The following RTL4 variants were observed in gnomAD, a reference collection of about 807,000 sequenced individuals.
RTL4 encodes retrotransposon Gag like 4.
RTL4 carries 4 observed loss-of-function variants against 5.3 expected under a neutral mutation model. The observed-to-expected ratio is 0.75, with a 90% CI of 0.37 to 1.72. The LOEUF is 1.72. Among genes scored for constraint, RTL4 ranks in the 40% most tolerant of loss-of-function variants. RTL4 has a pLI of 0.04. For synonymous variants in RTL4, 98 were observed against 87.3 expected (o/e 1.12, Z -0.68); for missense variants, 260 against 227.1 (o/e 1.14, Z -0.93).
At chrX:112,088,588 C>T in the RTL4 span, among the ~76,000 whole-genome samples, 20 of 112,026 alleles carry the variant, frequency 1.8e-4, no homozygotes, top group African/African-American at 6.5e-4. Context: ...AGAGGAATTG[C>T]TGGATTATGT....
At chrX:112,329,524 A>G in the RTL4 span, among the ~76,000 whole-genome samples, 1 of 111,069 alleles carries the variant, frequency 9.0e-6, no homozygotes, top group Non-Finnish European at 1.9e-5. Flanking sequence ...TCAATAGCTT[A>G]CCAACCAAAA....
chrX:112,224,037 T>C, the RTL4 span, among the ~76,000 whole-genome samples: 4 of 111,532 alleles, frequency 3.6e-5, no homozygotes, highest in Non-Finnish European at 7.5e-5. Context: ...AACCAGTTAG[T>C]TATCTGCTCT....
the RTL4 span, among the ~76,000 whole-genome samples, chrX:112,100,886 G>A: frequency 2.7e-5 from 3 of 111,419 alleles, no homozygotes; most frequent in Non-Finnish European, 5.7e-5. Context: ...AAATCAGGCA[G>A]GCCCTCTGTT....
chrX:112,328,194 T>G, the RTL4 span, among the ~76,000 whole-genome samples: 74 of 110,264 alleles, frequency 6.7e-4, no homozygotes, highest in African/African-American at 2.2e-3. Flanking sequence ...ATGCTCCAAT[T>G]AAAAGACACA....
At chrX:112,308,025 T>C in the RTL4 span, among the ~76,000 whole-genome samples, 3 of 111,550 alleles carry the variant, frequency 2.7e-5, no homozygotes, top group African/African-American at 6.5e-5. Context: ...TTTTCTCCAA[T>C]TGGGAGATAC....
chrX:112,324,358 T>A, the RTL4 span, among the ~76,000 whole-genome samples: 1 of 112,092 alleles, frequency 8.9e-6, no homozygotes, highest in Admixed American at 9.5e-5. Context: ...TAATTCCATT[T>A]CTCTATTTTT....
the RTL4 span, among the ~76,000 whole-genome samples, chrX:112,089,516 G>A: frequency 1.1e-4 from 12 of 111,042 alleles, no homozygotes; most frequent in East Asian, 2.5e-3. Context: ...TTTCCTGATC[G>A]AATGATACTG....
chrX:112,303,295 T>C, the RTL4 span, among the ~76,000 whole-genome samples: 4 of 111,020 alleles, frequency 3.6e-5, no homozygotes, highest in Non-Finnish European at 7.5e-5. Flanking sequence ...AATTAGGTAT[T>C]GGCATTTTAA....
the RTL4 span, among the ~76,000 whole-genome samples, chrX:112,293,864 T>C: frequency 9.0e-6 from 1 of 111,512 alleles, no homozygotes; most frequent in Admixed American, 9.5e-5. Context: ...GCTTGAGCAG[T>C]TTGAGAGTTT....
At chrX:112,240,212 C>G in the RTL4 span, among the ~76,000 whole-genome samples, 2 of 111,052 alleles carry the variant, frequency 1.8e-5, no homozygotes, top group African/African-American at 6.5e-5. Flanking sequence ...AGACTGGTGA[C>G]AAGACAAGGA....
the RTL4 span, among the ~76,000 whole-genome samples, chrX:112,140,991 G>A: frequency 9.0e-6 from 1 of 111,349 alleles, no homozygotes; most frequent in South Asian, 3.7e-4. Flanking sequence ...TGATTGCATT[G>A]ATTTTATAAA....
chrX:112,414,920 A>T, the RTL4 span, among the ~76,000 whole-genome samples: 1 of 111,391 alleles, frequency 9.0e-6, no homozygotes, highest in African/African-American at 3.3e-5. Flanking sequence ...AAATAATTAT[A>T]CCATGCCTCC....
the RTL4 span, among the ~76,000 whole-genome samples, chrX:112,422,310 C>A: frequency 0.38 from 41,697 of 110,437 alleles, 6,879 homozygotes; most frequent in East Asian, 0.57. Context: ...ATCCTTTCAA[C>A]AACCCTGTGA....
the RTL4 span, among the ~76,000 whole-genome samples, chrX:112,088,031 G>C: frequency 5.5e-5 from 4 of 72,773 alleles, no homozygotes; most frequent in Non-Finnish European, 1.1e-4. Context: ...TTTCCTTTTT[G>C]TGGAGAACAG....
chrX:112,275,181 T>G, the RTL4 span, among the ~76,000 whole-genome samples: 9 of 73,357 alleles, frequency 1.2e-4, no homozygotes, highest in African/African-American at 3.0e-4. Flanking sequence ...TCTCTTTCTT[T>G]CTTGCTTTTT....
the RTL4 span, among the ~76,000 whole-genome samples, chrX:112,154,768 A>G: frequency 8.9e-6 from 1 of 111,820 alleles, no homozygotes; most frequent in Admixed American, 9.5e-5. Context: ...AAGAACCACA[A>G]GATCAGCAAA....
the RTL4 span, among the ~76,000 whole-genome samples, chrX:112,329,668 C>T: frequency 5.2e-3 from 572 of 110,762 alleles, 4 homozygotes; most frequent in African/African-American, 0.018. Flanking sequence ...ATGAGGCCAG[C>T]ATCATCCTGA....
the RTL4 span, among the ~76,000 whole-genome samples, chrX:112,297,624 G>A: frequency 2.7e-5 from 3 of 111,306 alleles, no homozygotes; most frequent in Admixed American, 1.9e-4. Context: ...CATGAGATTT[G>A]GGTGGGGGCA....
At chrX:112,368,619 G>A in the RTL4 span, among the ~76,000 whole-genome samples, 2 of 110,628 alleles carry the variant, frequency 1.8e-5, no homozygotes, top group Non-Finnish European at 3.8e-5. Flanking sequence ...CTAAACATCC[G>A]ACGATGCATA....
Sources: allele counts gnomAD v4.1 joint callset (sites outside exome capture counted in the v4.1 genomes callset), GRCh38; gene constraint gnomAD v4.1.1; transcripts MANE v1.5; gene names NCBI Gene and HGNC (gene_info 2026-07-23, HGNC 2026-07-21).